The following SKIC3 variants were observed in gnomAD, a reference collection of about 807,000 sequenced individuals.
SKIC3 encodes the protein SKI3 subunit of superkiller complex.
the SKIC3 span, among the ~76,000 whole-genome samples, chr5:95,464,924 CTTTTTTT>C: frequency 4.7e-5 from 5 of 107,002 alleles, no homozygotes; most frequent in Non-Finnish European, 7.2e-5. Context: ...ATTCTGATTG[CTTTTTTT>C]TTTTTTTTTT....
the SKIC3 span, chr5:95,517,356 AT>A: frequency 6.3e-7 from 1 of 1,597,976 alleles, no homozygotes; most frequent in South Asian, 1.1e-5. Context: ...CTTACAAATT[AT>A]TTATAAAAAG....
At chr5:95,491,077 C>A in the SKIC3 span, 1 of 1,610,952 alleles carries the variant, frequency 6.2e-7, no homozygotes, top group South Asian at 1.1e-5. Context: ...TTGTTAAAAT[C>A]AACATGTTGC....
At chr5:95,482,511 T>G in the SKIC3 span, 2 of 1,614,014 alleles carry the variant, frequency 1.2e-6, no homozygotes, top group South Asian at 2.2e-5. Flanking sequence ...GACATGACTG[T>G]TTTTTGTAGT....
chr5:95,524,602 A>C, the SKIC3 span: 1 of 1,612,912 alleles, frequency 6.2e-7, no homozygotes, highest in Non-Finnish European at 8.5e-7. Context: ...CTAAGCCACC[A>C]AAGGGTAATA....
At chr5:95,523,942 A>C in the SKIC3 span, 1 of 1,199,358 alleles carries the variant, frequency 8.3e-7, no homozygotes, top group Non-Finnish European at 1.2e-6. Context: ...AAATAATTTC[A>C]TTAAACATAC....
the SKIC3 span, among the ~76,000 whole-genome samples, chr5:95,497,812 G>A: frequency 1.3e-5 from 2 of 152,012 alleles, no homozygotes; most frequent in South Asian, 4.1e-4. Context: ...ATACTGCATG[G>A]CAGGAAGATG....
chr5:95,551,799 A>C, the SKIC3 span, among the ~76,000 whole-genome samples: 1 of 152,194 alleles, frequency 6.6e-6, no homozygotes, highest in African/African-American at 2.4e-5. Flanking sequence ...TTCATTACTC[A>C]AAGCCCATTT....
the SKIC3 span, among the ~76,000 whole-genome samples, chr5:95,544,492 C>G: frequency 7.2e-5 from 11 of 152,210 alleles, no homozygotes; most frequent in Non-Finnish European, 1.3e-4. Context: ...TACAAAAGAC[C>G]ACTTAGCCTG....
the SKIC3 span, among the ~76,000 whole-genome samples, chr5:95,535,472 G>A: frequency 3.3e-5 from 5 of 151,796 alleles, no homozygotes; most frequent in African/African-American, 1.2e-4. Context: ...CACCGCGCCC[G>A]GCTAATTTTT....
chr5:95,512,941 T>C, the SKIC3 span: 1 of 305,820 alleles, frequency 3.3e-6, no homozygotes, highest in Non-Finnish European at 6.2e-6. Flanking sequence ...TTCTACAACA[T>C]TTTCATAAAT....
At chr5:95,554,531 G>A in the SKIC3 span, among the ~76,000 whole-genome samples, 1 of 152,124 alleles carries the variant, frequency 6.6e-6, no homozygotes. Context: ...GCTCTCTGAA[G>A]GCAAGGAACA....
At chr5:95,524,701 G>C in the SKIC3 span, 1 of 1,431,118 alleles carries the variant, frequency 7.0e-7, no homozygotes, top group East Asian at 2.3e-5. Context: ...TGATTCAGAG[G>C]TGCCAAATTA....
the SKIC3 span, among the ~76,000 whole-genome samples, chr5:95,467,251 C>T: frequency 2.9e-3 from 440 of 152,148 alleles, 5 homozygotes; most frequent in African/African-American, 9.7e-3. Flanking sequence ...CTTATAGGAA[C>T]GCATTAATAG....
chr5:95,509,358 GAAAA>G, the SKIC3 span, among the ~76,000 whole-genome samples: 1 of 151,678 alleles, frequency 6.6e-6, no homozygotes, highest in African/African-American at 2.4e-5. Flanking sequence ...AAGGAAAAAA[GAAAA>G]AAAACCTCTC....
the SKIC3 span, chr5:95,494,938 T>G: frequency 6.2e-7 from 1 of 1,612,342 alleles, no homozygotes; most frequent in Non-Finnish European, 8.5e-7. Context: ...AAATTCAACA[T>G]TTCCTTTGTA....
At chr5:95,519,608 T>C in the SKIC3 span, among the ~76,000 whole-genome samples, 1 of 152,152 alleles carries the variant, frequency 6.6e-6, no homozygotes, top group East Asian at 1.9e-4. Flanking sequence ...AATTCTTATT[T>C]TGAGTTCAAT....
At chr5:95,516,384 C>T in the SKIC3 span, 1 of 1,613,096 alleles carries the variant, frequency 6.2e-7, no homozygotes, top group Non-Finnish European at 8.5e-7. Context: ...GTATAACACT[C>T]CCAAGTTGGT....
the SKIC3 span, among the ~76,000 whole-genome samples, chr5:95,474,769 T>C: frequency 6.6e-6 from 1 of 152,226 alleles, no homozygotes; most frequent in Non-Finnish European, 1.5e-5. Flanking sequence ...TCTCTTTACA[T>C]AATCCCATAT....
the SKIC3 span, among the ~76,000 whole-genome samples, chr5:95,494,325 T>C: frequency 1.2e-4 from 19 of 152,254 alleles, 1 homozygote; most frequent in African/African-American, 3.6e-4. Flanking sequence ...CCTTATTTCA[T>C]GGAAATATAA....
Sources: gnomAD v4.1 joint callset for allele counts (sites outside exome capture counted in the v4.1 genomes callset) on GRCh38, gnomAD v4.1.1 for gene constraint, MANE v1.5 for transcripts, NCBI Gene and HGNC (gene_info 2026-07-23, HGNC 2026-07-21) for gene names.